The following CPD variants were observed in gnomAD, a reference collection of about 807,000 sequenced individuals.
CPD encodes the protein metallocarboxypeptidase D.
CPD carries 69 observed loss-of-function variants against 138.3 expected under a neutral mutation model. That is an observed-to-expected ratio of 0.50 (90% CI 0.41 to 0.61). The LOEUF is 0.61. CPD is among the 20% of genes least tolerant of loss of function. The pLI is 0.00. For missense variants in CPD, 1,432 were observed against 1,733.3 expected, an observed-to-expected ratio of 0.83 and a Z score of 3.09; for synonymous variants, 651 against 642.1, an observed-to-expected ratio of 1.01 and a Z score of -0.21.
chr17:30,421,012 T>C, intron 3 of CPD, 29 bp downstream of exon 3: 1 of 1,608,166 alleles, frequency 6.2e-7, no homozygotes, highest in Non-Finnish European at 8.5e-7. Context: ...AATGTTGGGG[T>C]ATAGAAACAG....
intron 11 of CPD, among the ~76,000 whole-genome samples, chr17:30,444,863 C>G (rs765241607): frequency 6.6e-6 from 1 of 151,764 alleles, no homozygotes; most frequent in Admixed American, 6.6e-5. Context: ...GCATTTTAGT[C>G]GTTGCCTTTG....
chr17:30,385,380 C>T lies in CPD; in HGVS notation c.994+144C>T, dbSNP rs1009146552. On this transcript the variant is annotated intron_variant, in intron 2 of 20. Transcript: ENST00000225719. ...TATTTTGAAAATTTCAAATCTACAG[C>T]AAAATTGAAGGACTACATGAAGACC... 2.9e-6 allele frequency: 3 copies of T among 1,030,908 alleles called. No individual in the cohort carries two copies. In the African/African-American group the frequency reaches 4.9e-5, roughly 17 times the overall value. 63.9% of individuals were successfully genotyped at this position (1,030,908 alleles called of 1,614,324 possible). A position where few individuals can be genotyped will look rare whatever the true frequency, so the allele number is the denominator to read the frequency against.
At chr17:30,451,590 T>G (rs1482297157) in intron 13 of CPD, 121 bp from the exon 14 acceptor site, 1 of 899,108 alleles carries the variant, frequency 1.1e-6, no homozygotes, top group Non-Finnish European at 1.7e-6. Context: ...TTCATTCATC[T>G]TAGTTCTGTC....
At chr17:30,464,303 T>C (rs541220436) in intron 20 of CPD, among the ~76,000 whole-genome samples, 1 of 151,784 alleles carries the variant, frequency 6.6e-6, no homozygotes, top group Admixed American at 6.6e-5. Context: ...GTGGGAGGAT[T>C]ACACACACAC....
At chr17:30,388,893 G>C (rs752047695) in intron 2 of CPD, among the ~76,000 whole-genome samples, 1 of 152,140 alleles carries the variant, frequency 6.6e-6, no homozygotes, top group African/African-American at 2.4e-5. Flanking sequence ...CACGTGTGGC[G>C]GACACTGGGG....
chr17:30,464,716 C>T lies in CPD; in HGVS notation c.4045C>T (p.Arg1349Cys), dbSNP rs199922587. The T allele has an allele frequency of 1.1e-5, 17 of 1,613,854 alleles. No homozygotes were observed. The highest frequency in any genetic ancestry group is 8.9e-5 in the East Asian group (4 of 44,888). ...QHHDEYEDEI[R>C]MMSTGSKKSL... Reference sequence around the variant, plus strand: ...TCATGATGAGTATGAAGATGAAATTCGCATGATGTCTACCGGCTCCAAGAA... The same window carrying T: ...TCATGATGAGTATGAAGATGAAATTTGCATGATGTCTACCGGCTCCAAGAA... Residue 1349 changes from arginine (R) to cysteine (C), a missense_variant, in exon 21 of 21, where the codon CGC (arginine) becomes TGC (cysteine). By Grantham distance (180) the Arg-to-Cys change is radical. Coordinates refer to ENST00000225719, the MANE Select transcript of CPD (RefSeq NM_001304.5).
At chr17:30,417,451 C>A (rs905024411) in intron 2 of CPD, among the ~76,000 whole-genome samples, 1 of 152,126 alleles carries the variant, frequency 6.6e-6, no homozygotes, top group African/African-American at 2.4e-5. Context: ...TTGGGTATTT[C>A]TGTCTAAATA....
chr17:30,404,700 T>C (rs542114450), intron 2 of CPD, among the ~76,000 whole-genome samples: 115 of 139,098 alleles, frequency 8.3e-4, no homozygotes, highest in Non-Finnish European at 1.2e-3. Flanking sequence ...TATAATCCTT[T>C]GTCATCTCTT....
In CPD at chr17:30,455,358, G is replaced by A. The variant is rs964948847; in HGVS notation, c.3225G>A (p.Glu1075=). ...TDFTNNASQP[E]TKAIIENLIQ... ...TTTTAGATAATGCCTCCCAACCTGA[G>A]ACCAAAGCCATCATTGAAAATTTGA... Residue 1075 remains glutamate (E), a synonymous_variant, in exon 15 of 21, where the codon GAG becomes GAA. Transcript: ENST00000225719. 1 of 1,612,638 alleles carries A rather than the reference G, an allele frequency of 6.2e-7. No homozygotes were observed. The highest frequency in any genetic ancestry group is 8.5e-7 in the Non-Finnish European group (1 of 1,179,516).
Position 30,421,669 on chromosome 17 carries a change from C to T in CPD, c.1143C>T (p.His381=), listed in dbSNP as rs1483836492. ...TTGGATTCTTGTCTTCTTAGGTTCA[C>T]ATTGGAGTGAAAGGATTTGTTAAAG... ...ESLITLIEKV[H]IGVKGFVKDS... The change falls in exon 4 of 21, where the codon CAC becomes CAT. Residue 381 remains histidine, a synonymous_variant. Transcript: ENST00000225719. 1.9e-6 allele frequency: 3 copies of T among 1,613,436 alleles called. No homozygotes were observed. Among genetic ancestry groups the T allele is most frequent in the Non-Finnish European group, 2.5e-6 (3 of 1,179,634 alleles).
Position 30,379,312 on chromosome 17 carries a change from A to G in CPD, c.332A>G (p.Asp111Gly). Residue 111 changes from aspartate to glycine, a missense_variant, in exon 1 of 21, where the codon GAC (aspartate) becomes GGC (glycine). Physicochemically the swap from Asp to Gly is moderately conservative, Grantham distance 94. Coordinates refer to ENST00000225719, the MANE Select transcript of CPD (RefSeq NM_001304.5). This position sits in a 1 kb window ranked among gnomAD's most constrained non-coding sequence, Gnocchi z 7.0. ...AGLGSLIPEGDAGPDAAGPDA... is the reference protein window; with the variant it reads ...AGLGSLIPEGGAGPDAAGPDA... ...CTGGGGTCGCTAATCCCTGAGGGCGACGCGGGGCCTGACGCTGCCGGGCCC... is the reference window on the plus strand; with the variant it reads ...CTGGGGTCGCTAATCCCTGAGGGCGGCGCGGGGCCTGACGCTGCCGGGCCC... The G allele has an allele frequency of 6.7e-7, 1 of 1,497,150 alleles. No homozygotes were observed. The highest frequency in any genetic ancestry group is 8.8e-7 in the Non-Finnish European group (1 of 1,130,684). The allele number at this position is 1,497,150 out of a possible 1,614,324, so 92.7% of individuals were successfully genotyped here.
rs201072230 is a variant in CPD, at chr17:30,379,142, G to T, written c.162G>T (p.Gln54His). Reference protein sequence around the residue: ...TSAGAEAAEGQFDRYYHEEEL... With the variant: ...TSAGAEAAEGHFDRYYHEEEL... Reference sequence around the variant, plus strand: ...CGGGCGCCGAGGCGGCCGAGGGCCAGTTCGACCGCTACTACCACGAAGAGG... The same window carrying T: ...CGGGCGCCGAGGCGGCCGAGGGCCATTTCGACCGCTACTACCACGAAGAGG... The change falls in exon 1 of 21, where the codon CAG (glutamine) becomes CAT (histidine). Residue 54 changes from glutamine (Q) to histidine (H), a missense_variant. Physicochemically the swap from Gln to His is conservative, Grantham distance 24. Transcript: ENST00000225719. This position sits in a 1 kb window ranked among gnomAD's most constrained non-coding sequence, Gnocchi z 7.0. The T allele has an allele frequency of 2.8e-4, 425 of 1,537,812 alleles. No individual in the cohort carries two copies. The African/African-American group carries it at 5.2e-3, about 19-fold the overall frequency.
intron 12 of CPD, among the ~76,000 whole-genome samples, chr17:30,448,058 T>A (rs1194919582): frequency 6.6e-6 from 1 of 152,242 alleles, no homozygotes; most frequent in East Asian, 1.9e-4. Context: ...TGATTTATAA[T>A]ATTCATAGAT....
intron 20 of CPD, among the ~76,000 whole-genome samples, chr17:30,463,742 T>C (rs1913555457): frequency 6.6e-6 from 1 of 152,234 alleles, no homozygotes; most frequent in South Asian, 2.1e-4. Flanking sequence ...ATTGGAAACA[T>C]GGCCCAATCA....
Position 30,434,295 on chromosome 17 carries a change from T to A in CPD, c.2127+2414T>A, listed in dbSNP as rs73987929. Among the ~76,000 whole-genome samples the A allele has an allele frequency of 6.3e-3, 964 of 152,230 alleles. 11 individuals are homozygous for A. The highest frequency in any genetic ancestry group is 0.022 in the African/African-American group (929 of 41,552). On this transcript the variant is annotated intron_variant, in intron 8 of 20. Coordinates refer to ENST00000225719, the MANE Select transcript of CPD (RefSeq NM_001304.5). ...AACTGCAAAATAACTGTAAATTTTT[T>A]AAAAATCAAGAAGTCTCAGCATGAT...
At chr17:30,458,889 G>A (rs571273507) in intron 17 of CPD, among the ~76,000 whole-genome samples, 41 of 151,146 alleles carry the variant, frequency 2.7e-4, no homozygotes, top group African/African-American at 9.4e-4. Flanking sequence ...AGAAAAAAAA[G>A]AGTTTTATGG....
chr17:30,400,798 C>T (rs1341520179), intron 2 of CPD, among the ~76,000 whole-genome samples: 5 of 149,692 alleles, frequency 3.3e-5, no homozygotes, highest in Non-Finnish European at 7.4e-5. Flanking sequence ...GCTGGGACTA[C>T]AGGCGCCTAC....
rs1455628523 is a variant in CPD at position 30,464,744 on chromosome 17, C to G, written c.4073C>G (p.Ser1358Cys). 1.2e-6 allele frequency: 2 copies of G among 1,613,800 alleles called. No individual in the cohort carries two copies. The highest frequency in any genetic ancestry group is 1.7e-5 in the Admixed American group (1 of 59,982). Residue 1358 changes from serine (S) to cysteine (C), a missense_variant, in exon 21 of 21, where the codon TCC (serine) becomes TGC (cysteine). This residue lies in a region of CPD where 366 missense variants were observed against 518.8 expected (regional missense o/e 0.71). Transcript: ENST00000225719. ...IRMMSTGSKK[S>C]LLSHEFQDET... is the part of the protein sequence containing the mutation. ...ATGATGTCTACCGGCTCCAAGAAGT[C>G]CCTCCTAAGCCATGAGTTCCAGGAT... is the stretch of plus-strand genomic sequence containing the variant.
chr17:30,445,159 C>T (rs956878221), intron 11 of CPD, among the ~76,000 whole-genome samples: 2 of 151,978 alleles, frequency 1.3e-5, no homozygotes, highest in Admixed American at 6.6e-5. Flanking sequence ...CTTTTGAAGC[C>T]ATATATTTAA....
Sources: allele counts gnomAD v4.1 joint callset (sites outside exome capture counted in the v4.1 genomes callset), GRCh38; gene constraint gnomAD v4.1.1; regional missense constraint gnomAD v4.1.1; non-coding constraint Gnocchi (gnomAD v3.1); transcripts MANE v1.5; gene names NCBI Gene and HGNC (gene_info 2026-07-23, HGNC 2026-07-21).